The following UST variants were observed in gnomAD, a reference collection of about 807,000 sequenced individuals.
The protein encoded by UST is chondroitin sulfate 2-O-sulfotransferase.
In UST, 21 loss-of-function variants were observed where a neutral mutation model predicts 45.6. That is an observed-to-expected ratio of 0.46 (90% CI 0.33 to 0.66). The LOEUF (loss-of-function observed/expected upper bound fraction) is 0.66. Among genes scored for constraint, UST ranks in the 30% least tolerant of loss-of-function variants. The probability of loss-of-function intolerance (pLI) is 0.02; values close to 1 mark genes in which losing one functional copy is unlikely to be tolerated. For synonymous variants in UST, 215 were observed against 200.6 expected (o/e 1.07, Z -0.61); for missense variants, 463 against 512.4 (o/e 0.90, Z 0.93).
At position 148,956,410 on chromosome 6, in the gene UST, T is replaced by C. The variant is rs41288425; in HGVS notation, c.527+2459T>C. On this transcript the variant is annotated intron_variant, in intron 4 of 7. Coordinates refer to ENST00000367463, the MANE Select transcript of UST (RefSeq NM_005715.3). Reference sequence around the variant, plus strand: ...AATGAGGAAGATGCAAAAGCGGAAATCCCTGATAAAACCATCATATCTTGT... The same window carrying C: ...AATGAGGAAGATGCAAAAGCGGAAACCCCTGATAAAACCATCATATCTTGT... 3.0e-4 allele frequency among the ~76,000 whole-genome samples: 45 copies of C among 152,136 alleles called. No homozygotes were observed. The South Asian group carries it at 6.2e-3, about 21-fold the overall frequency.
chr6:148,921,560 G>A (rs1779707095), intron 2 of UST, among the ~76,000 whole-genome samples: 1 of 152,286 alleles, frequency 6.6e-6, no homozygotes, highest in Non-Finnish European at 1.5e-5. Flanking sequence ...AGCCTATGAG[G>A]AACAGGTATT....
rs117180816 is a variant in UST at position 148,866,630 on chromosome 6, T to C, written c.248-20356T>C. On this transcript the variant is annotated intron_variant, in intron 1 of 7. Transcript: ENST00000367463. ...TATCAAGGCTTCCCTACCTAAACAT[T>C]CATTTTCCACTGCTTCATATCTCTA... Among the ~76,000 whole-genome samples the C allele has an allele frequency of 2.0e-5, 3 of 152,320 alleles. No homozygotes were observed. In the East Asian group the frequency reaches 5.8e-4, roughly 29 times the overall value.
chr6:148,814,630 A>AG, intron 1 of UST, among the ~76,000 whole-genome samples: 1 of 152,094 alleles, frequency 6.6e-6, no homozygotes, highest in Non-Finnish European at 1.5e-5. Flanking sequence ...TGGCTGTACT[A>AG]GGGGTTGATG....
chr6:148,906,229 C>A (rs1335683372), intron 2 of UST, among the ~76,000 whole-genome samples: 1 of 152,182 alleles, frequency 6.6e-6, no homozygotes. Context: ...CATGCTTCTG[C>A]CGTTTCTTTC....
chr6:148,942,375 G>A (rs1780144193), intron 3 of UST, among the ~76,000 whole-genome samples: 1 of 151,962 alleles, frequency 6.6e-6, no homozygotes, highest in Non-Finnish European at 1.5e-5. Context: ...GGCCAACATG[G>A]TGAAACTGCG....
Position 148,919,444 on chromosome 6 carries a change from G to GTGTGTGTA in UST, c.292-21834_292-21833insGTGTGTAT, listed in dbSNP as rs4047184. Among the ~76,000 whole-genome samples, 573 of 147,562 alleles carry GTGTGTGTA rather than the reference G, an allele frequency of 3.9e-3. 5 individuals are homozygous for GTGTGTGTA. The highest frequency in any genetic ancestry group is 0.014 in the African/African-American group (548 of 39,836). On this transcript the variant is annotated intron_variant, in intron 2 of 7. Coordinates refer to ENST00000367463, the MANE Select transcript of UST (RefSeq NM_005715.3). ...TGTGTGTGTGTGTGTGTGTGTGTGT[G>GTGTGTGTA]TACACTTCTGTTGGTAGGGGCTACA...
chr6:148,865,710 GT>G (rs1562281732), intron 1 of UST, among the ~76,000 whole-genome samples: 1,579 of 101,460 alleles, frequency 0.016, 26 homozygotes, highest in East Asian at 0.077. Context: ...GTGTGTGTGT[GT>G]GTGAATTCAG....
At position 148,932,113 on chromosome 6, in the gene UST, C is replaced by T. The variant is rs6921380; in HGVS notation, c.292-9166C>T. 6.2e-3 allele frequency among the ~76,000 whole-genome samples: 945 copies of T among 152,306 alleles called. 9 individuals carry two copies. The highest frequency in any genetic ancestry group is 0.024 in the Middle Eastern group (7 of 294). ...TAACATTTTTGGCCGAGCGCGGTGCCTCATGCCTGTAATCCCAGCGCTTTC... is the reference window on the plus strand; with the variant it reads ...TAACATTTTTGGCCGAGCGCGGTGCTTCATGCCTGTAATCCCAGCGCTTTC... On this transcript the variant is annotated intron_variant, in intron 2 of 7. Coordinates refer to ENST00000367463, the MANE Select transcript of UST (RefSeq NM_005715.3).
intron 1 of UST, among the ~76,000 whole-genome samples, chr6:148,814,694 A>T (rs1220532129): frequency 6.6e-6 from 1 of 152,120 alleles, no homozygotes; most frequent in Non-Finnish European, 1.5e-5. Flanking sequence ...TTATTTACAG[A>T]TTTCCAGAAT....
At chr6:148,989,515 T>A (rs1381567178) in intron 5 of UST, among the ~76,000 whole-genome samples, 1 of 152,222 alleles carries the variant, frequency 6.6e-6, no homozygotes, top group Admixed American at 6.5e-5. Flanking sequence ...GGGATTTGCC[T>A]TTGTCCTTGT....
chr6:148,949,019 G>C (rs567950171), intron 3 of UST, among the ~76,000 whole-genome samples: 2 of 152,064 alleles, frequency 1.3e-5, no homozygotes, highest in Non-Finnish European at 2.9e-5. Flanking sequence ...GGCTGGGCAC[G>C]GTGGCTCACA....
chr6:148,895,579 C>T lies in UST; in HGVS notation c.291+8550C>T, dbSNP rs1019453883. On this transcript the variant is annotated intron_variant, in intron 2 of 7. Transcript: ENST00000367463. Reference sequence around the variant, plus strand: ...CTTGAATTGTAGCTCCCATAATTCCCAAGTGTTGTGGGAGGTAGCCAGTGG... The same window carrying T: ...CTTGAATTGTAGCTCCCATAATTCCTAAGTGTTGTGGGAGGTAGCCAGTGG... 2.0e-5 allele frequency among the ~76,000 whole-genome samples: 3 copies of T among 152,290 alleles called. No homozygotes were observed. The East Asian group carries it at 5.8e-4, about 29-fold the overall frequency.
chr6:148,873,422 C>A (rs141098527), intron 1 of UST, among the ~76,000 whole-genome samples: 16 of 152,284 alleles, frequency 1.1e-4, no homozygotes, highest in Non-Finnish European at 2.2e-4. Flanking sequence ...TCTTCAGCAG[C>A]CCTTTGTCCT....
At chr6:148,813,436 C>A (rs1777296686) in intron 1 of UST, among the ~76,000 whole-genome samples, 1 of 151,310 alleles carries the variant, frequency 6.6e-6, no homozygotes, top group Admixed American at 6.6e-5. Context: ...GGCTGGAGTG[C>A]AGTGGCACGA....
chr6:148,992,846 C>A (rs1450949584), intron 5 of UST: 5 of 251,586 alleles, frequency 2.0e-5, no homozygotes, highest in Non-Finnish European at 3.1e-5. Context: ...GGAATCTTAA[C>A]CTCTTTTGTG....
chr6:148,897,393 C>G (rs916015698), intron 2 of UST, among the ~76,000 whole-genome samples: 8 of 151,948 alleles, frequency 5.3e-5, no homozygotes, highest in Non-Finnish European at 1.2e-4. Flanking sequence ...GTCTCAAACT[C>G]CTGACCTCAA....
intron 1 of UST, among the ~76,000 whole-genome samples, chr6:148,829,189 G>GGATT (rs1420257962): frequency 1.4e-4 from 20 of 147,380 alleles, no homozygotes; most frequent in African/African-American, 4.9e-4. Flanking sequence ...ATGGATGGAT[G>GGATT]GATTTTAGTG....
chr6:149,037,396 T>C (rs1034134106), intron 7 of UST, among the ~76,000 whole-genome samples: 5 of 152,038 alleles, frequency 3.3e-5, no homozygotes, highest in African/African-American at 1.2e-4. Context: ...CAGAAAACTG[T>C]TGTTAAAGCC....
At chr6:148,878,265 A>ATCGTGTATGAGTGCGGGGGG (rs1778742432) in intron 1 of UST, among the ~76,000 whole-genome samples, 1 of 36,240 alleles carries the variant, frequency 2.8e-5, no homozygotes, top group Non-Finnish European at 4.8e-5. Flanking sequence ...GAGTGCGGAG[A>ATCGTGTATGAGTGCGGGGGG]TCGTGTATGA....
Sources: allele counts gnomAD v4.1 joint callset (sites outside exome capture counted in the v4.1 genomes callset), GRCh38; gene constraint gnomAD v4.1.1; transcripts MANE v1.5; gene names NCBI Gene and HGNC (gene_info 2026-07-23, HGNC 2026-07-21).